The following PABPC4L variants were observed in gnomAD, a reference collection of about 807,000 sequenced individuals.
PABPC4L encodes the protein polyadenylate-binding protein 4-like.
For synonymous variants in PABPC4L, 169 were observed against 164.1 expected, an observed-to-expected ratio of 1.03 and a Z score of -0.23; for missense variants, 452 against 451.4, an observed-to-expected ratio of 1.00 and a Z score of -0.01.
At chr4:134,059,153 T>C in the PABPC4L span, among the ~76,000 whole-genome samples, 1 of 151,826 alleles carries the variant, frequency 6.6e-6, no homozygotes, top group East Asian at 1.9e-4. Context: ...TAACTAGTAC[T>C]CCCCAATCTA....
the PABPC4L span, among the ~76,000 whole-genome samples, chr4:134,132,371 A>G: frequency 6.6e-6 from 1 of 152,032 alleles, no homozygotes; most frequent in Non-Finnish European, 1.5e-5. Flanking sequence ...AGCAAGAACA[A>G]AACAAACAAT....
the PABPC4L span, among the ~76,000 whole-genome samples, chr4:134,112,569 ACTATCTATCTATCTATCTATCTAT>A: frequency 1.4e-5 from 2 of 147,844 alleles, no homozygotes; most frequent in African/African-American, 5.0e-5. Context: ...GCTCCACGTA[ACTATCTATCTATCTATCTATCTAT>A]CTATCTATCT....
the PABPC4L span, among the ~76,000 whole-genome samples, chr4:134,018,667 A>G: frequency 6.6e-6 from 1 of 152,148 alleles, no homozygotes; most frequent in Non-Finnish European, 1.5e-5. Flanking sequence ...CTACTGATTT[A>G]TTCAAAGCAC....
At chr4:134,064,016 G>A in the PABPC4L span, among the ~76,000 whole-genome samples, 2 of 151,964 alleles carry the variant, frequency 1.3e-5, no homozygotes, top group Admixed American at 6.6e-5. Flanking sequence ...TTATTGATTT[G>A]AATCACCAAT....
At chr4:134,138,450 T>C in the PABPC4L span, among the ~76,000 whole-genome samples, 2 of 151,834 alleles carry the variant, frequency 1.3e-5, no homozygotes, top group Admixed American at 6.6e-5. Flanking sequence ...GTAACTCTAG[T>C]GATTACTTAA....
the PABPC4L span, among the ~76,000 whole-genome samples, chr4:134,098,669 G>A: frequency 2.0e-5 from 3 of 151,614 alleles, no homozygotes; most frequent in Non-Finnish European, 4.4e-5. Context: ...TGGTATGTAA[G>A]CTTATGAAAG....
At chr4:134,145,451 CCA>C in the PABPC4L span, among the ~76,000 whole-genome samples, 1 of 151,856 alleles carries the variant, frequency 6.6e-6, no homozygotes, top group Non-Finnish European at 1.5e-5. Flanking sequence ...ACCCCCCTTC[CCA>C]CACACAGACA....
At chr4:133,956,552 C>A in the PABPC4L span, among the ~76,000 whole-genome samples, 1 of 152,084 alleles carries the variant, frequency 6.6e-6, no homozygotes, top group East Asian at 1.9e-4. Flanking sequence ...CCTTCTTATA[C>A]CTTTCTTTCT....
chr4:134,088,389 T>C, the PABPC4L span, among the ~76,000 whole-genome samples: 9 of 152,136 alleles, frequency 5.9e-5, no homozygotes, highest in Admixed American at 5.9e-4. Context: ...TGATACTTTC[T>C]AGTCAAGTTT....
At chr4:134,180,126 T>C in the PABPC4L span, among the ~76,000 whole-genome samples, 1 of 50,352 alleles carries the variant, frequency 2.0e-5, no homozygotes, top group African/African-American at 1.9e-4. Context: ...TACTGTAAAA[T>C]TGTCCACAGA....
At chr4:134,089,872 C>G in the PABPC4L span, among the ~76,000 whole-genome samples, 1 of 152,012 alleles carries the variant, frequency 6.6e-6, no homozygotes, top group Non-Finnish European at 1.5e-5. Flanking sequence ...AGAGTTTGTG[C>G]TGAATGGTTG....
At chr4:134,112,605 T>TCTATCTAA in the PABPC4L span, among the ~76,000 whole-genome samples, 2 of 151,388 alleles carry the variant, frequency 1.3e-5, no homozygotes, top group African/African-American at 4.9e-5. Flanking sequence ...TATCTATCTA[T>TCTATCTAA]CTATCTATCT....
chr4:134,131,459 T>C, the PABPC4L span, among the ~76,000 whole-genome samples: 2 of 150,908 alleles, frequency 1.3e-5, no homozygotes, highest in Non-Finnish European at 3.0e-5. Flanking sequence ...TGCAAAAAAA[T>C]TAAAATAAAA....
At chr4:134,007,975 A>C in the PABPC4L span, among the ~76,000 whole-genome samples, 1 of 151,866 alleles carries the variant, frequency 6.6e-6, no homozygotes, top group Middle Eastern at 3.4e-3. Context: ...TCATAATCTA[A>C]GATGTGTAAA....
At chr4:134,169,317 C>T in the PABPC4L span, among the ~76,000 whole-genome samples, 2 of 151,922 alleles carry the variant, frequency 1.3e-5, no homozygotes, top group South Asian at 4.2e-4. Flanking sequence ...TCTAAAAATC[C>T]ATATAAGACA....
chr4:134,101,772 G>A, the PABPC4L span, among the ~76,000 whole-genome samples: 1 of 151,298 alleles, frequency 6.6e-6, no homozygotes. Context: ...GTGTGTGCGT[G>A]GATAAAGCAT....
chr4:134,077,364 C>A, the PABPC4L span, among the ~76,000 whole-genome samples: 9 of 151,782 alleles, frequency 5.9e-5, no homozygotes, highest in African/African-American at 2.2e-4. Context: ...TTATGAAAGC[C>A]TAAAAAAAGC....
At chr4:134,065,069 G>A in the PABPC4L span, among the ~76,000 whole-genome samples, 1 of 152,014 alleles carries the variant, frequency 6.6e-6, no homozygotes, top group Admixed American at 6.6e-5. Flanking sequence ...GTTTTCAGGT[G>A]TCTTTGTGAT....
At chr4:133,985,795 T>G in the PABPC4L span, among the ~76,000 whole-genome samples, 1 of 152,050 alleles carries the variant, frequency 6.6e-6, no homozygotes, top group Admixed American at 6.6e-5. Flanking sequence ...GAAAGTATAA[T>G]ATTCATATTT....
Sources: gnomAD v4.1 joint callset for allele counts (sites outside exome capture counted in the v4.1 genomes callset) on GRCh38, gnomAD v4.1.1 for gene constraint, MANE v1.5 for transcripts, NCBI Gene and HGNC (gene_info 2026-07-23, HGNC 2026-07-21) for gene names.